The following ZFPM2 variants were observed in gnomAD, a reference collection of about 807,000 sequenced individuals.
ZFPM2 encodes zinc finger protein ZFPM2.
In ZFPM2, 20 loss-of-function variants were observed where a neutral mutation model predicts 98.6. That is an observed-to-expected ratio of 0.20 (90% CI 0.14 to 0.29). The LOEUF (loss-of-function observed/expected upper bound fraction) is 0.29. Among genes scored for constraint, ZFPM2 ranks in the 10% least tolerant of loss-of-function variants. The pLI is 1.00. For synonymous variants in ZFPM2, 518 were observed against 502.7 expected (o/e 1.03, Z -0.41); for missense variants, 1,310 against 1,388.6 (o/e 0.94, Z 0.90).
chr8:105,545,528 A>G (rs575269620), intron 3 of ZFPM2, among the ~76,000 whole-genome samples: 1 of 152,308 alleles, frequency 6.6e-6, no homozygotes, highest in East Asian at 1.9e-4. Context: ...CTTAGAAAAT[A>G]TAAGGACTAT....
At chr8:105,581,896 C>T (rs369970953) in intron 4 of ZFPM2, among the ~76,000 whole-genome samples, 1 of 152,216 alleles carries the variant, frequency 6.6e-6, no homozygotes, top group African/African-American at 2.4e-5. Flanking sequence ...GATACCATCA[C>T]ATCGTTGTGG....
chr8:105,580,228 A>G (rs1408538914), intron 4 of ZFPM2, among the ~76,000 whole-genome samples: 2 of 152,162 alleles, frequency 1.3e-5, no homozygotes, highest in African/African-American at 4.8e-5. Context: ...TCTTAGGTAC[A>G]TATTTGGGAT....
intron 1 of ZFPM2, among the ~76,000 whole-genome samples, chr8:105,355,988 T>C (rs1563618620): frequency 6.6e-6 from 1 of 152,188 alleles, no homozygotes; most frequent in Admixed American, 6.5e-5. Flanking sequence ...TCTCTCTCCT[T>C]CCCTCTTTTC....
intron 5 of ZFPM2, among the ~76,000 whole-genome samples, chr8:105,731,337 A>G (rs1467415523): frequency 6.6e-6 from 1 of 151,432 alleles, no homozygotes; most frequent in Non-Finnish European, 1.5e-5. Context: ...TGATAAAACA[A>G]TATTTGCCCA....
intron 3 of ZFPM2, among the ~76,000 whole-genome samples, chr8:105,519,961 C>T (rs572786082): frequency 1.3e-5 from 2 of 152,112 alleles, no homozygotes; most frequent in Admixed American, 1.3e-4. Context: ...TTGTGCTGGC[C>T]TAAAATTCTC....
Position 105,381,322 on chromosome 8 carries a change from C to G in ZFPM2, c.41-37822C>G, listed in dbSNP as rs143376637. Among the ~76,000 whole-genome samples the G allele has an allele frequency of 4.7e-3, 721 of 151,826 alleles. 5 individuals are homozygous for G. Among genetic ancestry groups the G allele is most frequent in the African/African-American group, 0.017 (686 of 41,400 alleles). On this transcript the variant is annotated intron_variant, in intron 1 of 7. Transcript: ENST00000407775. ...CATAGTATTCCATGGTGTATATGTG[C>G]CACATTTTCTTTTTCCAGTTTTTTT... is the stretch of plus-strand genomic sequence containing the variant.
intron 3 of ZFPM2, among the ~76,000 whole-genome samples, chr8:105,552,812 C>CT (rs781365155): frequency 0.02 from 2,197 of 112,416 alleles, 52 homozygotes; most frequent in African/African-American, 0.046. Context: ...TTCAGATGTT[C>CT]TTTTTTTTTT....
chr8:105,482,546 G>A (rs1397787582), intron 3 of ZFPM2, among the ~76,000 whole-genome samples: 2 of 151,804 alleles, frequency 1.3e-5, no homozygotes, highest in African/African-American at 4.8e-5. Flanking sequence ...TTTAAAAAAT[G>A]TCTTTTTTCC....
At chr8:105,509,214 G>T (rs938924702) in intron 3 of ZFPM2, among the ~76,000 whole-genome samples, 1 of 152,340 alleles carries the variant, frequency 6.6e-6, no homozygotes, top group African/African-American at 2.4e-5. Flanking sequence ...GAAAACAGTA[G>T]TTTGCATTCT....
rs1811951426 is a variant in ZFPM2 at position 105,318,556 on chromosome 8, C to G, written c.-386C>G. 1 of 151,096 alleles carries G rather than the reference C, an allele frequency of 6.6e-6. No individual in the cohort carries two copies. The highest frequency in any genetic ancestry group is 1.5e-5 in the Non-Finnish European group (1 of 67,896). The allele number at this position is 151,096 out of a possible 1,614,324, so 9.4% of individuals were successfully genotyped here. A position where few individuals can be genotyped will look rare whatever the true frequency, so the allele number is the denominator to read the frequency against. On this transcript the variant is annotated 5_prime_UTR_variant, in exon 1 of 8. Transcript: ENST00000407775. ...CCCGCGCCCTGCGCCCCCGCGCTCCCCCTCTCCTCGCTGCTCGCTCTCCCG... is the reference window on the plus strand; with the variant it reads ...CCCGCGCCCTGCGCCCCCGCGCTCCGCCTCTCCTCGCTGCTCGCTCTCCCG...
At chr8:105,617,197 A>G (rs1393251025) in intron 4 of ZFPM2, among the ~76,000 whole-genome samples, 1 of 152,076 alleles carries the variant, frequency 6.6e-6, no homozygotes, top group African/African-American at 2.4e-5. Flanking sequence ...AGTATGCCAT[A>G]AACAATACTT....
Position 105,800,300 on chromosome 8 carries a change from C to T in ZFPM2, c.965-747C>T, listed in dbSNP as rs1813962781. Among the ~76,000 whole-genome samples the T allele has an allele frequency of 2.0e-5, 3 of 152,070 alleles. No individual in the cohort carries two copies. The South Asian group carries it at 6.2e-4, about 32-fold the overall frequency. On this transcript the variant is annotated intron_variant, in intron 7 of 7. Transcript: ENST00000407775. ...CTGACCAATGGGAGCTAGAGTCAAT[C>T]TTAGTGATGCTTACCCACCACAGTC...
At chr8:105,443,336 A>T (rs1332361332) in intron 2 of ZFPM2, among the ~76,000 whole-genome samples, 1 of 151,198 alleles carries the variant, frequency 6.6e-6, no homozygotes, top group African/African-American at 2.4e-5. Context: ...CAAAAAAAAA[A>T]AAACTTGGCA....
intron 5 of ZFPM2, among the ~76,000 whole-genome samples, chr8:105,687,391 G>T (rs1253193703): frequency 6.6e-6 from 1 of 151,998 alleles, no homozygotes; most frequent in Non-Finnish European, 1.5e-5. Context: ...TCATCTCAGG[G>T]AAATGTATTA....
At chr8:105,580,087 T>A (rs1408356964) in intron 4 of ZFPM2, among the ~76,000 whole-genome samples, 3 of 151,570 alleles carry the variant, frequency 2.0e-5, no homozygotes, top group Non-Finnish European at 4.4e-5. Context: ...AAGGATATCC[T>A]TCCCGAAAGA....
chr8:105,449,389 A>G (rs567197164), intron 3 of ZFPM2, among the ~76,000 whole-genome samples: 228 of 152,104 alleles, frequency 1.5e-3, no homozygotes, highest in African/African-American at 5.3e-3. Context: ...CTTTGACACA[A>G]ACTTTTCAGG....
chr8:105,445,889 T>A (rs1812359034), intron 3 of ZFPM2, among the ~76,000 whole-genome samples: 1 of 151,594 alleles, frequency 6.6e-6, no homozygotes, highest in Non-Finnish European at 1.5e-5. Flanking sequence ...CATGAGCCAC[T>A]GCACCCAGCC....
At chr8:105,558,228 C>A (rs1477433018) in intron 3 of ZFPM2, among the ~76,000 whole-genome samples, 1 of 152,050 alleles carries the variant, frequency 6.6e-6, no homozygotes, top group Non-Finnish European at 1.5e-5. Context: ...ACCTATGTAA[C>A]CTTGGTAGAA....
At chr8:105,537,097 TA>T (rs1814468634) in intron 3 of ZFPM2, among the ~76,000 whole-genome samples, 2 of 152,302 alleles carry the variant, frequency 1.3e-5, no homozygotes, top group South Asian at 2.1e-4. Flanking sequence ...CATAAAGTTT[TA>T]AAGATGAAAG....
Sources: gnomAD v4.1 joint callset for allele counts (sites outside exome capture counted in the v4.1 genomes callset) on GRCh38, gnomAD v4.1.1 for gene constraint, MANE v1.5 for transcripts, NCBI Gene and HGNC (gene_info 2026-07-23, HGNC 2026-07-21) for gene names.